MPP7: variants seen among roughly 807,000 people sequenced by gnomAD.
The protein encoded by MPP7 is MAGUK p55 subfamily member 7.
Under a neutral mutation model 76.5 loss-of-function variants are expected in MPP7, and 60 were observed. The ratio of observed to expected loss-of-function variants is 0.78; its 90% CI spans 0.64 to 0.97. MPP7 has a LOEUF of 0.97. Ranked by LOEUF, MPP7 falls within the 50% of genes least tolerant of loss-of-function variation. MPP7 has a pLI of 0.00. For synonymous variants in MPP7, 237 were observed against 244.5 expected (o/e 0.97, Z 0.29); for missense variants, 641 against 694.0 (o/e 0.92, Z 0.86).
At chr10:28,135,128 T>C (rs575039007) in intron 5 of MPP7, among the ~76,000 whole-genome samples, 6 of 152,260 alleles carry the variant, frequency 3.9e-5, no homozygotes, top group Admixed American at 3.3e-4. Flanking sequence ...GCCCCAGCAT[T>C]GCAGCCTAGA....
chr10:28,196,179 G>T (rs1837575373), intron 3 of MPP7, among the ~76,000 whole-genome samples: 1 of 152,052 alleles, frequency 6.6e-6, no homozygotes, highest in African/African-American at 2.4e-5. Context: ...ATTATCCTCA[G>T]TTCAATATTC....
intron 1 of MPP7, among the ~76,000 whole-genome samples, chr10:28,243,226 CT>C (rs1364159162): frequency 6.6e-6 from 1 of 151,458 alleles, no homozygotes; most frequent in African/African-American, 2.4e-5. Context: ...TAAAAATGAG[CT>C]TCCAAGCAAA....
chr10:28,328,267 T>C (rs949387403), intron 2 of MPP7, among the ~76,000 whole-genome samples: 2 of 152,204 alleles, frequency 1.3e-5, no homozygotes, highest in African/African-American at 4.8e-5. Context: ...GAATAACTGT[T>C]TTTTGAGGTC....
intron 2 of MPP7, among the ~76,000 whole-genome samples, chr10:28,203,976 T>C (rs746465766): frequency 2.6e-5 from 4 of 152,196 alleles, no homozygotes; most frequent in African/African-American, 4.8e-5. Context: ...GTTTCAGCTA[T>C]TGTCATAATT....
At chr10:28,191,034 T>G (rs559591014) in intron 3 of MPP7, among the ~76,000 whole-genome samples, 1 of 152,130 alleles carries the variant, frequency 6.6e-6, no homozygotes, top group African/African-American at 2.4e-5. Context: ...ATAAGTTAGA[T>G]GATATACACC....
chr10:28,111,223 C>T (rs970210983), intron 11 of MPP7, among the ~76,000 whole-genome samples: 3 of 151,988 alleles, frequency 2.0e-5, no homozygotes. Flanking sequence ...AATCCACCTA[C>T]CACACTCAAC....
chr10:28,321,637 T>A (rs945052317), intron 2 of MPP7, among the ~76,000 whole-genome samples: 2 of 152,154 alleles, frequency 1.3e-5, no homozygotes, highest in African/African-American at 4.8e-5. Context: ...CAGGCTGGAG[T>A]GCAGTGGTGC....
chr10:28,155,746 A>G (rs1203669944), intron 3 of MPP7, among the ~76,000 whole-genome samples: 1 of 152,116 alleles, frequency 6.6e-6, no homozygotes, highest in African/African-American at 2.4e-5. Flanking sequence ...TTAGGAGGAT[A>G]TTGTGCTAGT....
chr10:28,059,784 G>T, intron 13 of MPP7, 41 bp from the exon 14 acceptor site: 2 of 1,305,648 alleles, frequency 1.5e-6, no homozygotes, highest in Non-Finnish European at 2.2e-6. Context: ...GCCCACATCA[G>T]CCACCTTAAG....
chr10:28,076,887 G>GA (rs757961305), intron 12 of MPP7, among the ~76,000 whole-genome samples: 12,769 of 132,064 alleles, frequency 0.097, 683 homozygotes, highest in East Asian at 0.26. Context: ...GACTCCGTCT[G>GA]AAAAAAAAAA....
intron 2 of MPP7, among the ~76,000 whole-genome samples, chr10:28,210,241 C>A (rs995300829): frequency 6.6e-6 from 1 of 152,182 alleles, no homozygotes; most frequent in African/African-American, 2.4e-5. Flanking sequence ...CATAATAAAT[C>A]TCCTATAAAC....
At chr10:28,174,493 A>C in intron 3 of MPP7, among the ~76,000 whole-genome samples, 1 of 152,156 alleles carries the variant, frequency 6.6e-6, no homozygotes, top group East Asian at 1.9e-4. Flanking sequence ...TTCCACTGAA[A>C]GTGGAAGCGT....
intron 5 of MPP7, among the ~76,000 whole-genome samples, chr10:28,138,127 ACCAAATTTT>A (rs1373835064): frequency 6.6e-6 from 1 of 152,192 alleles, no homozygotes; most frequent in African/African-American, 2.4e-5. Context: ...TAAAAAATCT[ACCAAATTTT>A]CCATGACTGC....
Position 28,052,476 on chromosome 10 carries a change from T to C in MPP7, c.*1589A>G, listed in dbSNP as rs1312835133. ...GAGTGGTTTTTGTCTCTGCTTCTAA[T>C]ATGAACTTGACAAGTATGAAGGAAA... is the stretch of plus-strand genomic sequence containing the variant. On this transcript the variant is annotated 3_prime_UTR_variant, in exon 17 of 17. Coordinates refer to ENST00000683449, the MANE Select transcript of MPP7 (RefSeq NM_001318170.2). The C allele has an allele frequency of 6.6e-6, 1 of 152,618 alleles. No homozygotes were observed. The highest frequency in any genetic ancestry group is 1.5e-5 in the Non-Finnish European group (1 of 68,036). 9.5% of individuals were successfully genotyped at this position (152,618 alleles called of 1,614,324 possible).
chr10:28,062,949 T>A (rs537901778), intron 13 of MPP7, among the ~76,000 whole-genome samples: 4 of 151,854 alleles, frequency 2.6e-5, no homozygotes, highest in Non-Finnish European at 5.9e-5. Flanking sequence ...AACTTTTACA[T>A]AGAACAGAAA....
intron 1 of MPP7, among the ~76,000 whole-genome samples, chr10:28,259,154 G>T (rs1839875097): frequency 6.6e-6 from 1 of 152,088 alleles, no homozygotes; most frequent in Non-Finnish European, 1.5e-5. Flanking sequence ...TAAATTAGTA[G>T]TTCTCACACT....
intron 1 of MPP7, among the ~76,000 whole-genome samples, chr10:28,248,027 A>G (rs1839492470): frequency 6.6e-6 from 1 of 152,204 alleles, no homozygotes; most frequent in African/African-American, 2.4e-5. Flanking sequence ...AGAAAAGGGG[A>G]AAAGTTAACA....
At chr10:28,070,356 G>A (rs921154794) in intron 12 of MPP7, among the ~76,000 whole-genome samples, 8 of 152,114 alleles carry the variant, frequency 5.3e-5, no homozygotes, top group Non-Finnish European at 1.2e-4. Context: ...CCGAGATCGC[G>A]CCTCTGCACT....
chr10:28,260,087 T>TAACAAAACA (rs952027114), intron 1 of MPP7, among the ~76,000 whole-genome samples: 1 of 152,170 alleles, frequency 6.6e-6, no homozygotes, highest in African/African-American at 2.4e-5. Context: ...CATTGATATT[T>TAACAAAACA]AACAAAACAA....
Sources: gnomAD v4.1 joint callset for allele counts (sites outside exome capture counted in the v4.1 genomes callset) on GRCh38, gnomAD v4.1.1 for gene constraint, MANE v1.5 for transcripts, NCBI Gene and HGNC (gene_info 2026-07-23, HGNC 2026-07-21) for gene names.